Variants in ALPL observed in about 807,000 individuals in gnomAD.
ALPL encodes alkaline phosphatase, biomineralization associated.
ALPL carries 42 observed loss-of-function variants against 51.3 expected under a neutral mutation model. The observed-to-expected ratio is 0.82, with a 90% CI of 0.64 to 1.06. ALPL has a LOEUF of 1.06. Ranked by LOEUF, ALPL falls within the 50% of genes least tolerant of loss-of-function variation. The pLI, the probability that ALPL is intolerant of heterozygous loss-of-function variation, is 0.00. For synonymous variants in ALPL, 279 were observed against 296.4 expected (o/e 0.94, Z 0.60); for missense variants, 589 against 709.4 (o/e 0.83, Z 1.93).
intron 6 of ALPL, among the ~76,000 whole-genome samples, chr1:21,567,880 C>G (rs1040713797): frequency 8.5e-5 from 13 of 152,126 alleles, no homozygotes; most frequent in Non-Finnish European, 1.9e-4. Flanking sequence ...ATCAGCTCCT[C>G]CAATATCCCT....
At position 21,575,910 on chromosome 1, in the gene ALPL, G is replaced by C; in HGVS notation, c.1175G>C (p.Gly392Ala). Residue 392 changes from glycine (G) to alanine (A), a missense_variant, in exon 10 of 12, where the codon GGC becomes GCC. Physicochemically the swap from Gly to Ala is moderately conservative, Grantham distance 60. Coordinates refer to ENST00000374840, the MANE Select transcript of ALPL (RefSeq NM_000478.6). ...ACATTTGGTGGATACACCCCCCGTG[G>C]CAACTCTATCTTTGGTAGGTGGGCC... ...VFTFGGYTPR[G>A]NSIFGLAPML... is the part of the protein sequence containing the mutation. 6.2e-7 allele frequency: 1 copy of C among 1,614,234 alleles called. No individual in the cohort carries two copies. Among genetic ancestry groups the C allele is most frequent in the Non-Finnish European group, 8.5e-7 (1 of 1,180,046 alleles).
chr1:21,536,876 T>C (rs1644113456), intron 1 of ALPL, among the ~76,000 whole-genome samples: 1 of 150,024 alleles, frequency 6.7e-6, no homozygotes, highest in Non-Finnish European at 1.5e-5. Flanking sequence ...CCTTTTGATT[T>C]GCAAGGTTCC....
At chr1:21,575,319 G>A (rs1644711894) in intron 9 of ALPL, among the ~76,000 whole-genome samples, 1 of 152,188 alleles carries the variant, frequency 6.6e-6, no homozygotes, top group Non-Finnish European at 1.5e-5. Flanking sequence ...CAGCATTGCT[G>A]TTCAGGGGAA....
At chr1:21,566,141 C>T (rs1467334702) in intron 6 of ALPL, among the ~76,000 whole-genome samples, 3 of 151,958 alleles carry the variant, frequency 2.0e-5, no homozygotes, top group Admixed American at 6.6e-5. Flanking sequence ...AAGGACTCTG[C>T]CTCTCTGAAC....
intron 6 of ALPL, among the ~76,000 whole-genome samples, chr1:21,565,045 T>A (rs1275336174): frequency 6.6e-6 from 1 of 152,156 alleles, no homozygotes. Context: ...TCTGGGGACT[T>A]CTGCCCCTTG....
At chr1:21,535,845 G>C (rs1326236622) in intron 1 of ALPL, among the ~76,000 whole-genome samples, 1 of 152,246 alleles carries the variant, frequency 6.6e-6, no homozygotes, top group Non-Finnish European at 1.5e-5. Context: ...GGCCCAGGCA[G>C]ATCTGGAGAC....
At chr1:21,554,924 TTC>T (rs1169984254) in intron 2 of ALPL, among the ~76,000 whole-genome samples, 27 of 117,530 alleles carry the variant, frequency 2.3e-4, no homozygotes, top group Admixed American at 6.5e-4. Flanking sequence ...CTTTCTTTCT[TTC>T]TTTCTTTTCT....
intron 1 of ALPL, among the ~76,000 whole-genome samples, chr1:21,534,760 G>A (rs991770476): frequency 2.0e-5 from 3 of 152,192 alleles, no homozygotes; most frequent in Non-Finnish European, 4.4e-5. Context: ...ATCCAGTTGC[G>A]CTGGTTGTAT....
chr1:21,573,826 G>A (rs370284496), intron 9 of ALPL, 27 bp downstream of exon 9: 9 of 1,613,902 alleles, frequency 5.6e-6, no homozygotes, highest in African/African-American at 2.7e-5. Context: ...TGCTGAGAGG[G>A]GGCTGCTGGA....
intron 1 of ALPL, among the ~76,000 whole-genome samples, chr1:21,526,658 A>G (rs922650561): frequency 1.3e-5 from 2 of 152,162 alleles, no homozygotes; most frequent in Non-Finnish European, 2.9e-5. Flanking sequence ...GATGTGGTCT[A>G]TGTGAAAACT....
chr1:21,531,109 A>C (rs1244630220), intron 1 of ALPL, among the ~76,000 whole-genome samples: 3 of 151,686 alleles, frequency 2.0e-5, no homozygotes, highest in Non-Finnish European at 4.4e-5. Context: ...ACCCACCACC[A>C]CACCCGGCTA....
Position 21,577,701 on chromosome 1 carries a change from C to T in ALPL, c.*53C>T, listed in dbSNP as rs937173219. On this transcript the variant is annotated 3_prime_UTR_variant, in exon 12 of 12. Transcript: ENST00000374840. The stretch of plus-strand genomic sequence containing the variant: ...CCGTGACAGATGCCAACTTCCCACA[C>T]GGCAGCCCCCCCCTCAAGGGGCAGG... 56 of 1,562,738 alleles carry T rather than the reference C, an allele frequency of 3.6e-5. No individual in the cohort carries two copies. Among genetic ancestry groups the T allele is most frequent in the Middle Eastern group, 1.9e-4 (1 of 5,140 alleles).
Position 21,563,181 on chromosome 1 carries a change from C to A in ALPL, c.369C>A (p.Ala123=), listed in dbSNP as rs201342272. The part of the protein sequence containing the change: ...TATAYLCGVK[A]NEGTVGVSAA... Reference sequence around the variant, plus strand: ...CCGCCTACCTGTGTGGGGTGAAGGCCAATGAGGGCACCGTGGGGGTAAGCG... The same window carrying A: ...CCGCCTACCTGTGTGGGGTGAAGGCAAATGAGGGCACCGTGGGGGTAAGCG... The change falls in exon 5 of 12, where the codon GCC becomes GCA. Residue 123 remains alanine (A), a synonymous_variant. Coordinates refer to ENST00000374840, the MANE Select transcript of ALPL (RefSeq NM_000478.6). The A allele has an allele frequency of 6.9e-5, 112 of 1,613,968 alleles. 1 individual carries two copies. In the South Asian group the frequency reaches 1.2e-3, roughly 17 times the overall value.
Position 21,526,513 on chromosome 1 carries a change from C to G in ALPL, c.-105+16996C>G, listed in dbSNP as rs1347306292. 2.0e-5 allele frequency among the ~76,000 whole-genome samples: 3 copies of G among 152,202 alleles called. No individual in the cohort carries two copies. The South Asian group carries it at 6.2e-4, about 32-fold the overall frequency. ...ATGTGGTGTTTTTAATCATTCAGTT[C>G]TAAGTAATTTTAAGTTTCTACTATG... On this transcript the variant is annotated intron_variant, in intron 1 of 11. Transcript: ENST00000374840.
intron 6 of ALPL, 137 bp from the exon 7 acceptor site, chr1:21,567,967 T>C: frequency 8.6e-7 from 1 of 1,160,942 alleles, no homozygotes; most frequent in Non-Finnish European, 1.3e-6. Context: ...CAGAGATGAC[T>C]GAGGCCTGGC....
rs769955594 is a variant in ALPL, at chr1:21,575,735, G to A, written c.1000G>A (p.Gly334Ser). Reference protein sequence around the residue: ...PKGFFLLVEGGRIDHGHHEGK... With the variant: ...PKGFFLLVEGSRIDHGHHEGK... ...GGCCTTTGCCTTGGTGTCCCAAGGA[G>A]GCAGAATTGACCACGGGCACCATGA... The change falls in exon 10 of 12, where the codon GGC becomes AGC. Residue 334 changes from glycine to serine, a missense_variant and splice_region_variant. By Grantham distance (56) the Gly-to-Ser change is moderately conservative. Transcript: ENST00000374840. The A allele has an allele frequency of 1.9e-6, 3 of 1,614,154 alleles. No individual in the cohort carries two copies. Among genetic ancestry groups the A allele is most frequent in the Non-Finnish European group, 1.7e-6 (2 of 1,180,018 alleles).
chr1:21,569,320 A>T (rs1644612680), intron 7 of ALPL, among the ~76,000 whole-genome samples: 1 of 151,872 alleles, frequency 6.6e-6, no homozygotes. Context: ...CTCGGTCTAG[A>T]CCTCTAAGAC....
At chr1:21,573,436 CAA>C (rs35155164) in intron 8 of ALPL, among the ~76,000 whole-genome samples, 2 of 114,006 alleles carry the variant, frequency 1.8e-5, no homozygotes, top group Admixed American at 9.1e-5. Flanking sequence ...GACTCTGTCT[CAA>C]AAAAAAAAAA....
In ALPL at chr1:21,527,674, T is replaced by G. The variant is rs200916082; in HGVS notation, c.-105+18157T>G. Among the ~76,000 whole-genome samples, 16 of 151,936 alleles carry G rather than the reference T, an allele frequency of 1.1e-4. 1 individual carries two copies. In the East Asian group the frequency reaches 3.1e-3, roughly 30 times the overall value. On this transcript the variant is annotated intron_variant, in intron 1 of 11. Coordinates refer to ENST00000374840, the MANE Select transcript of ALPL (RefSeq NM_000478.6). Reference sequence around the variant, plus strand: ...AGGCGATTCTCCTGCCTCAGCTTCCTGAATAGCTGGGATTAGTGGCACCTG... The same window carrying G: ...AGGCGATTCTCCTGCCTCAGCTTCCGGAATAGCTGGGATTAGTGGCACCTG...
Sources: gnomAD v4.1 joint callset for allele counts (sites outside exome capture counted in the v4.1 genomes callset) on GRCh38, gnomAD v4.1.1 for gene constraint, MANE v1.5 for transcripts, NCBI Gene and HGNC (gene_info 2026-07-23, HGNC 2026-07-21) for gene names.